The following BMP6 variants were observed in gnomAD, a reference collection of about 807,000 sequenced individuals.
BMP6 encodes the protein VG-1-R.
Under a neutral mutation model 54.1 loss-of-function variants are expected in BMP6, and 17 were observed. That is an observed-to-expected ratio of 0.31 (90% CI 0.22 to 0.47). BMP6 has a LOEUF of 0.47. Among genes scored for constraint, BMP6 ranks in the 20% least tolerant of loss-of-function variants. The probability of loss-of-function intolerance (pLI) is 1.00; values close to 1 mark genes in which losing one functional copy is unlikely to be tolerated. For missense variants in BMP6, 720 were observed against 690.4 expected (o/e 1.04, Z -0.48); for synonymous variants, 328 against 291.2 (o/e 1.13, Z -1.28).
chr6:7,818,316 A>G (rs1273692032), intron 1 of BMP6, among the ~76,000 whole-genome samples: 1 of 145,236 alleles, frequency 6.9e-6, no homozygotes, highest in Admixed American at 6.9e-5. Context: ...CCACTCTGCT[A>G]AAGGGGACTT....
At chr6:7,872,302 A>AT (rs1759541456) in intron 4 of BMP6, among the ~76,000 whole-genome samples, 1 of 151,932 alleles carries the variant, frequency 6.6e-6, no homozygotes. Flanking sequence ...TTAAAAAAAA[A>AT]AAAAAAAGTG....
At chr6:7,802,875 G>A (rs1377393275) in intron 1 of BMP6, among the ~76,000 whole-genome samples, 1 of 152,224 alleles carries the variant, frequency 6.6e-6, no homozygotes, top group Non-Finnish European at 1.5e-5. Context: ...ATATGCGGTA[G>A]GGAAGGAGGG....
intron 1 of BMP6, among the ~76,000 whole-genome samples, chr6:7,804,634 A>C (rs985024615): frequency 1.3e-5 from 2 of 152,202 alleles, no homozygotes; most frequent in Admixed American, 6.5e-5. Flanking sequence ...AAATTCATTC[A>C]TTCATTTAGC....
intron 1 of BMP6, among the ~76,000 whole-genome samples, chr6:7,765,124 C>T (rs1352795200): frequency 1.3e-5 from 2 of 152,176 alleles, no homozygotes; most frequent in African/African-American, 4.8e-5. Flanking sequence ...CAGGCATGGA[C>T]CATTCCCGAG....
At chr6:7,803,712 C>T (rs989637655) in intron 1 of BMP6, among the ~76,000 whole-genome samples, 7 of 152,246 alleles carry the variant, frequency 4.6e-5, no homozygotes, top group East Asian at 3.9e-4. Context: ...TTATGAATAC[C>T]GCTATATTTC....
At chr6:7,813,109 ATATATATAT>A (rs1377473836) in intron 1 of BMP6, among the ~76,000 whole-genome samples, 84 of 15,750 alleles carry the variant, frequency 5.3e-3, no homozygotes, top group Non-Finnish European at 6.5e-3. Flanking sequence ...AAAAAAAAAA[ATATATATAT>A]ATATATATAT....
At chr6:7,878,616 AG>A (rs1259740613) in intron 4 of BMP6, among the ~76,000 whole-genome samples, 1 of 152,116 alleles carries the variant, frequency 6.6e-6, no homozygotes, top group Non-Finnish European at 1.5e-5. Flanking sequence ...CTCTTCCTTC[AG>A]GATACTCTTC....
rs143680665 is a variant in BMP6, at chr6:7,845,308, A to G, written c.833A>G (p.Gln278Arg). The G allele has an allele frequency of 3.7e-6, 6 of 1,614,086 alleles. No homozygotes were observed. The highest frequency in any genetic ancestry group is 1.7e-5 in the Admixed American group (1 of 60,012). The change falls in exon 2 of 7, where the codon CAA becomes CGA. Residue 278 changes from glutamine to arginine, a missense_variant. Gln to Arg is a conservative substitution (Grantham distance 43). This residue lies in a region of BMP6 where 650 missense variants were observed against 556.3 expected (regional missense o/e 1.17). Transcript: ENST00000283147. ...CAAACTTTTCTTATCAGCATTTATC[A>G]AGTCTTACAGGAGCATCAGCACAGG... The part of the protein sequence containing the change: ...KNQTFLISIY[Q>R]VLQEHQHRDS...
chr6:7,862,740 T>TCC (rs919681043), intron 4 of BMP6, among the ~76,000 whole-genome samples: 2 of 152,204 alleles, frequency 1.3e-5, no homozygotes, highest in African/African-American at 4.8e-5. Flanking sequence ...TGCCTGTTGA[T>TCC]CCAGACAAGC....
intron 1 of BMP6, among the ~76,000 whole-genome samples, chr6:7,817,967 C>G (rs1046937820): frequency 3.9e-5 from 6 of 151,916 alleles, no homozygotes; most frequent in African/African-American, 1.5e-4. Context: ...TGTTGTGGGC[C>G]CAACAGGTGG....
intron 1 of BMP6, among the ~76,000 whole-genome samples, chr6:7,735,437 T>C (rs1371404601): frequency 6.6e-6 from 1 of 152,228 alleles, no homozygotes; most frequent in Non-Finnish European, 1.5e-5. Context: ...ATGAATTACA[T>C]TTAAATAGTC....
intron 1 of BMP6, among the ~76,000 whole-genome samples, chr6:7,822,643 C>G (rs963562370): frequency 6.6e-6 from 1 of 152,142 alleles, no homozygotes; most frequent in African/African-American, 2.4e-5. Flanking sequence ...TCTTATGGTG[C>G]TATCGAAACC....
At chr6:7,774,836 AAAG>A (rs1489093330) in intron 1 of BMP6, among the ~76,000 whole-genome samples, 1 of 152,248 alleles carries the variant, frequency 6.6e-6, no homozygotes, top group East Asian at 1.9e-4. Flanking sequence ...ATTATAAAGA[AAAG>A]AAAATTGTTT....
Position 7,753,215 on chromosome 6 carries a change from C to T in BMP6, c.664+25596C>T, listed in dbSNP as rs13195628. Among the ~76,000 whole-genome samples, 866 of 152,372 alleles carry T rather than the reference C, an allele frequency of 5.7e-3. 4 individuals carry two copies. Among genetic ancestry groups the T allele is most frequent in the Non-Finnish European group, 9.1e-3 (621 of 68,040 alleles). ...AAATGGTCACTGGTAAGCCCTGTCTCTTCTAAAGTGACTTCGCCCCAAGTC... is the reference window on the plus strand; with the variant it reads ...AAATGGTCACTGGTAAGCCCTGTCTTTTCTAAAGTGACTTCGCCCCAAGTC... On this transcript the variant is annotated intron_variant, in intron 1 of 6. Transcript: ENST00000283147.
In BMP6 at chr6:7,851,886, AAACT is replaced by A. The variant is rs1422884015; in HGVS notation, c.857+6558_857+6561del. The stretch of plus-strand genomic sequence containing the variant: ...CCATATTAAATGACTTTTAAATGTT[AAACT>A]AACCTCATATCCCTGGAACAAGTTC... On this transcript the variant is annotated intron_variant, in intron 2 of 6. Transcript: ENST00000283147. 3.9e-4 allele frequency among the ~76,000 whole-genome samples: 60 copies of A among 152,172 alleles called. 1 individual carries two copies. The highest frequency in any genetic ancestry group is 1.4e-3 in the African/African-American group (56 of 41,444).
chr6:7,849,383 A>G (rs1196664253), intron 2 of BMP6, among the ~76,000 whole-genome samples: 1 of 152,200 alleles, frequency 6.6e-6, no homozygotes, highest in Non-Finnish European at 1.5e-5. Flanking sequence ...GAATAAATTT[A>G]CACAAAAGTA....
At chr6:7,835,877 C>T (rs1758867485) in intron 1 of BMP6, among the ~76,000 whole-genome samples, 1 of 151,908 alleles carries the variant, frequency 6.6e-6, no homozygotes, top group South Asian at 2.1e-4. Context: ...TGCTCTGTCA[C>T]CCAGGCTGGA....
At chr6:7,774,146 A>T (rs1396541395) in intron 1 of BMP6, among the ~76,000 whole-genome samples, 2 of 152,146 alleles carry the variant, frequency 1.3e-5, no homozygotes, top group African/African-American at 2.4e-5. Context: ...CGATGAAGAG[A>T]GACACATGGA....
At position 7,880,528 on chromosome 6, in the gene BMP6, CG is replaced by C. The variant is rs1264587179; in HGVS notation, c.*186del. ...AATAATTTGCTCACTTGGTAAATGA[CG>C]TGAGTAGTTGTTGGTCTGTAGCAAG... On this transcript the variant is annotated 3_prime_UTR_variant, in exon 7 of 7. Transcript: ENST00000283147. The C allele has an allele frequency of 1.2e-5, 9 of 775,868 alleles. No homozygotes were observed. In the East Asian group the frequency reaches 2.4e-4, roughly 21 times the overall value. 48.1% of individuals were successfully genotyped at this position (775,868 alleles called of 1,614,324 possible). A position where few individuals can be genotyped will look rare whatever the true frequency, so the allele number is the denominator to read the frequency against.
Sources: allele counts gnomAD v4.1 joint callset (sites outside exome capture counted in the v4.1 genomes callset), GRCh38; gene constraint gnomAD v4.1.1; regional missense constraint gnomAD v4.1.1; transcripts MANE v1.5; gene names NCBI Gene and HGNC (gene_info 2026-07-23, HGNC 2026-07-21).